The following RBM38 variants were observed in gnomAD, a reference collection of about 807,000 sequenced individuals.
RBM38 encodes the protein RNA-binding protein 38.
In RBM38, 11 loss-of-function variants were observed where a neutral mutation model predicts 23.5. That is an observed-to-expected ratio of 0.47 (90% CI 0.29 to 0.77). The LOEUF (loss-of-function observed/expected upper bound fraction) is 0.77, where lower values mean the gene tolerates loss of function less well. Among genes scored for constraint, RBM38 ranks in the 30% least tolerant of loss-of-function variants. The pLI, the probability that RBM38 is intolerant of heterozygous loss-of-function variation, is 0.08. For synonymous variants in RBM38, 165 were observed against 166.1 expected, an observed-to-expected ratio of 0.99 and a Z score of 0.05; for missense variants, 330 against 351.9, an observed-to-expected ratio of 0.94 and a Z score of 0.50.
At position 57,407,816 on chromosome 20, in the gene RBM38, G is replaced by A. The variant is rs376442730; in HGVS notation, c.690G>A (p.Ala230=). 84 of 1,583,036 alleles carry A rather than the reference G, an allele frequency of 5.3e-5. No individual in the cohort carries two copies. The highest frequency in any genetic ancestry group is 3.2e-4 in the African/African-American group (24 of 74,254). The change falls in exon 4 of 4, where the codon GCG becomes GCA. Residue 230 remains alanine (A), a synonymous_variant. Transcript: ENST00000356208. This position sits in a 1 kb window ranked among gnomAD's most constrained non-coding sequence, Gnocchi z 4.0. ...GCACCACTTTCGTGCAGTACCAGGC[G>A]CCGCAGCTGCAGCCTGACAGGATGC... The part of the protein sequence containing the change: ...PAGTTFVQYQ[A]PQLQPDRMQ
chr20:57,399,035 C>T (rs552667176), intron 3 of RBM38, among the ~76,000 whole-genome samples: 19 of 152,288 alleles, frequency 1.2e-4, no homozygotes, highest in African/African-American at 3.4e-4. Flanking sequence ...AGGGGAGACC[C>T]GGTCCCAGCT....
At chr20:57,399,585 A>G (rs890050727) in intron 3 of RBM38, among the ~76,000 whole-genome samples, 5 of 152,190 alleles carry the variant, frequency 3.3e-5, no homozygotes, top group African/African-American at 4.8e-5. Context: ...GGAGAAGGTC[A>G]GGAGTTGGAG....
In RBM38 at chr20:57,392,728, C is replaced by T. The variant is rs2067233399; in HGVS notation, c.312C>T (p.Ala104=). The change falls in exon 2 of 4, where the codon GCC becomes GCT. Residue 104 remains alanine, a synonymous_variant. Coordinates refer to ENST00000356208, the MANE Select transcript of RBM38 (RefSeq NM_017495.6). ...DPNPIIDGRK[A]NVNLAYLGAK... ...ACCCCATCATCGACGGCCGCAAGGCCAACGTGAACCTGGCATATCTGGGCG... is the reference window on the plus strand; with the variant it reads ...ACCCCATCATCGACGGCCGCAAGGCTAACGTGAACCTGGCATATCTGGGCG... 6.2e-7 allele frequency: 1 copy of T among 1,612,988 alleles called. No individual in the cohort carries two copies. The highest frequency in any genetic ancestry group is 2.2e-5 in the East Asian group (1 of 44,890).
chr20:57,404,448 C>T (rs1013452319), intron 3 of RBM38, among the ~76,000 whole-genome samples: 15 of 152,212 alleles, frequency 9.9e-5, no homozygotes, highest in East Asian at 1.9e-4. Context: ...GGAATGTTTT[C>T]GAGGTTCTGA....
intron 2 of RBM38, 119 bp downstream of exon 2, chr20:57,392,896 C>A: frequency 7.3e-7 from 1 of 1,369,076 alleles, no homozygotes; most frequent in Non-Finnish European, 1.0e-6. Flanking sequence ...CTATCATGTG[C>A]CTGCAGAGCC....
intron 2 of RBM38, 108 bp downstream of exon 2, chr20:57,392,885 G>T (rs2067235452): frequency 6.9e-7 from 1 of 1,440,318 alleles, no homozygotes; most frequent in Non-Finnish European, 9.4e-7. Context: ...GTGGCAGTCG[G>T]CTATCATGTG....
intron 3 of RBM38, among the ~76,000 whole-genome samples, chr20:57,400,813 G>A (rs1600753116): frequency 1.3e-5 from 2 of 152,302 alleles, no homozygotes; most frequent in East Asian, 1.9e-4. Flanking sequence ...ACAGACGCCC[G>A]GTTGTTCTGA....
chr20:57,393,977 G>C (rs141303280), intron 3 of RBM38, among the ~76,000 whole-genome samples: 1 of 152,118 alleles, frequency 6.6e-6, no homozygotes, highest in Non-Finnish European at 1.5e-5. Flanking sequence ...AGTCCTGGCA[G>C]CTGCTTGGGG....
rs1300449277 is a variant in RBM38, at chr20:57,409,128, ATGAGG to A, written c.*1287_*1291del. 2.0e-5 allele frequency: 3 copies of A among 149,494 alleles called. No individual in the cohort carries two copies. Among genetic ancestry groups the A allele is most frequent in the Admixed American group, 2.0e-4 (3 of 15,036 alleles). 9.3% of individuals were successfully genotyped at this position (149,494 alleles called of 1,614,324 possible). On this transcript the variant is annotated 3_prime_UTR_variant, in exon 4 of 4. Coordinates refer to ENST00000356208, the MANE Select transcript of RBM38 (RefSeq NM_017495.6). ...GCTGTGGGGGTCTGGAGGAGGGGACATGAGGTGAGAGGTATCCTGGCCGAGGGCGG... is the reference window on the plus strand; with the variant it reads ...GCTGTGGGGGTCTGGAGGAGGGGACATGAGAGGTATCCTGGCCGAGGGCGG...
intron 3 of RBM38, among the ~76,000 whole-genome samples, chr20:57,399,052 C>G (rs142007984): frequency 6.6e-6 from 1 of 152,308 alleles, no homozygotes; most frequent in East Asian, 1.9e-4. Flanking sequence ...AGCTCCTAAT[C>G]ACAGTGCTTT....
intron 1 of RBM38, chr20:57,392,317 A>G (rs940805655): frequency 1.9e-5 from 17 of 882,612 alleles, no homozygotes; most frequent in Non-Finnish European, 2.9e-5. Flanking sequence ...CTCAGAGGAA[A>G]GTCTCGGCCC....
chr20:57,404,319 A>G (rs1241532026), intron 3 of RBM38, among the ~76,000 whole-genome samples: 2 of 152,252 alleles, frequency 1.3e-5, no homozygotes, highest in Non-Finnish European at 2.9e-5. Flanking sequence ...CTGCCTTTGC[A>G]GTCTGCATGG....
intron 3 of RBM38, among the ~76,000 whole-genome samples, chr20:57,397,381 C>T (rs556329767): frequency 2.0e-5 from 3 of 152,360 alleles, no homozygotes; most frequent in African/African-American, 4.8e-5. Flanking sequence ...AAGGACTCAA[C>T]GCCTCCCTCT....
In RBM38 at chr20:57,391,601, CGT is replaced by C; in HGVS notation, c.22_23del (p.Cys8ArgfsTer81). 7.2e-7 allele frequency: 1 copy of C among 1,383,898 alleles called. No individual in the cohort carries two copies. Among genetic ancestry groups the C allele is most frequent in the Non-Finnish European group, 9.5e-7 (1 of 1,056,798 alleles). 85.7% of individuals were successfully genotyped at this position (1,383,898 alleles called of 1,614,324 possible). On this transcript the variant is annotated frameshift_variant, in exon 1 of 4. Coordinates refer to ENST00000356208, the MANE Select transcript of RBM38 (RefSeq NM_017495.6). LOFTEE classifies it high-confidence loss of function. ...CCCCCCATGCTGCTGCAGCCCGCGC[CGT>C]GCGCCCCGAGCGCGGGCTTCCCGCG...
intron 3 of RBM38, among the ~76,000 whole-genome samples, chr20:57,406,542 C>CT (rs2067385444): frequency 6.6e-6 from 1 of 152,162 alleles, no homozygotes; most frequent in South Asian, 2.1e-4. Context: ...CAGTACGGGT[C>CT]TCCCCCCAGC....
chr20:57,393,364 A>T, intron 3 of RBM38, 31 bp downstream of exon 3: 1 of 1,609,266 alleles, frequency 6.2e-7, no homozygotes, highest in Non-Finnish European at 8.5e-7. Context: ...TGGGGTGGGT[A>T]GTCCGTGGAG....
intron 2 of RBM38, 93 bp from the exon 3 acceptor site, chr20:57,393,186 T>G (rs1199765041): frequency 8.4e-6 from 10 of 1,185,096 alleles, no homozygotes; most frequent in Non-Finnish European, 7.6e-6. Flanking sequence ...TGACTAGAGG[T>G]GTGTGGCTTG....
chr20:57,403,090 A>C (rs971036372), intron 3 of RBM38, among the ~76,000 whole-genome samples: 7 of 151,900 alleles, frequency 4.6e-5, no homozygotes, highest in African/African-American at 1.5e-4. Flanking sequence ...CCCCACCCGC[A>C]CCTCATATTC....
chr20:57,401,924 C>T (rs572284560), intron 3 of RBM38, among the ~76,000 whole-genome samples: 1 of 152,218 alleles, frequency 6.6e-6, no homozygotes, highest in African/African-American at 2.4e-5. Context: ...GGTTCTGCTT[C>T]TGGAGGTGAT....
Sources: allele counts gnomAD v4.1 joint callset (sites outside exome capture counted in the v4.1 genomes callset), GRCh38; gene constraint gnomAD v4.1.1; non-coding constraint Gnocchi (gnomAD v3.1); transcripts MANE v1.5; gene names NCBI Gene and HGNC (gene_info 2026-07-23, HGNC 2026-07-21).